Variants in SPAG16 observed in about 807,000 individuals in gnomAD.
SPAG16 encodes the protein sperm associated antigen 16.
Under a neutral mutation model 80.4 loss-of-function variants are expected in SPAG16, and 86 were observed. The observed-to-expected ratio is 1.07, with a 90% confidence interval of 0.90 to 1.28. The LOEUF is 1.28. SPAG16 is among the 50% of genes most tolerant of loss of function. The pLI, the probability that SPAG16 is intolerant of heterozygous loss-of-function variation, is 0.00. For missense variants in SPAG16, 870 were observed against 765.3 expected (o/e 1.14, Z -1.61); for synonymous variants, 294 against 265.9 (o/e 1.11, Z -1.03).
intron 15 of SPAG16, among the ~76,000 whole-genome samples, chr2:214,320,329 A>G (rs572885337): frequency 1.3e-5 from 2 of 152,154 alleles, no homozygotes; most frequent in Non-Finnish European, 2.9e-5. Context: ...TTGTACTCCT[A>G]CATATGGGGT....
chr2:214,234,690 G>T (rs995328647), intron 15 of SPAG16, among the ~76,000 whole-genome samples: 1 of 152,070 alleles, frequency 6.6e-6, no homozygotes, highest in Admixed American at 6.6e-5. Flanking sequence ...TATGCCTTCT[G>T]AGAAGTGCCT....
chr2:213,727,202 T>A (rs1319788610), intron 10 of SPAG16, among the ~76,000 whole-genome samples: 1 of 152,216 alleles, frequency 6.6e-6, no homozygotes, highest in East Asian at 1.9e-4. Flanking sequence ...CAATTGCCTT[T>A]ACTGTTTCAA....
intron 11 of SPAG16, among the ~76,000 whole-genome samples, chr2:213,873,106 AT>A (rs1484854240): frequency 6.6e-6 from 1 of 151,942 alleles, no homozygotes; most frequent in African/African-American, 2.4e-5. Flanking sequence ...CTCCTGTCCT[AT>A]TTTTTGGAAG....
At chr2:214,387,634 G>A (rs1437090961) in intron 15 of SPAG16, among the ~76,000 whole-genome samples, 1 of 151,418 alleles carries the variant, frequency 6.6e-6, no homozygotes. Context: ...AATTTATGAA[G>A]GAAAGAGGTT....
At chr2:213,824,466 C>T (rs1034858711) in intron 10 of SPAG16, among the ~76,000 whole-genome samples, 7 of 152,160 alleles carry the variant, frequency 4.6e-5, no homozygotes, top group African/African-American at 1.7e-4. Context: ...TATGGATATT[C>T]AGTTTTCCCA....
intron 15 of SPAG16, among the ~76,000 whole-genome samples, chr2:214,321,728 A>G (rs1696111137): frequency 6.6e-6 from 1 of 152,242 alleles, no homozygotes; most frequent in African/African-American, 2.4e-5. Flanking sequence ...ATTTGTGCTT[A>G]TTAGACTGGT....
intron 12 of SPAG16, among the ~76,000 whole-genome samples, chr2:213,980,409 ATATT>A (rs1483356617): frequency 1.4e-5 from 1 of 70,926 alleles, no homozygotes; most frequent in Non-Finnish European, 2.4e-5. Flanking sequence ...GTGTGTATAT[ATATT>A]CTATATATAT....
chr2:214,071,088 C>A (rs1370981962), intron 13 of SPAG16, among the ~76,000 whole-genome samples: 1 of 152,090 alleles, frequency 6.6e-6, no homozygotes, highest in African/African-American at 2.4e-5. Context: ...TCTATCCACA[C>A]AAAGAATATT....
intron 10 of SPAG16, among the ~76,000 whole-genome samples, chr2:213,573,341 C>A (rs538184866): frequency 5.3e-5 from 8 of 152,218 alleles, no homozygotes; most frequent in African/African-American, 1.9e-4. Flanking sequence ...CTAGAACAAT[C>A]ATTTTTATTT....
At chr2:213,311,299 G>A (rs1270629383) in intron 4 of SPAG16, among the ~76,000 whole-genome samples, 1 of 151,550 alleles carries the variant, frequency 6.6e-6, no homozygotes, top group Non-Finnish European at 1.5e-5. Flanking sequence ...GTAAAAGTAG[G>A]TAGATGATTA....
intron 15 of SPAG16, among the ~76,000 whole-genome samples, chr2:214,395,496 GTTGT>G (rs767456685): frequency 1.3e-5 from 2 of 152,068 alleles, no homozygotes; most frequent in African/African-American, 2.4e-5. Flanking sequence ...CTTTGGTAAG[GTTGT>G]TTAAGGTATT....
chr2:213,719,134 G>A (rs1366793019), intron 10 of SPAG16, among the ~76,000 whole-genome samples: 5 of 151,630 alleles, frequency 3.3e-5, no homozygotes, highest in Admixed American at 2.0e-4. Flanking sequence ...TACACCAATC[G>A]GCACTCTGTA....
intron 11 of SPAG16, among the ~76,000 whole-genome samples, chr2:213,888,172 T>C (rs2076639397): frequency 6.6e-6 from 1 of 151,914 alleles, no homozygotes; most frequent in Non-Finnish European, 1.5e-5. Flanking sequence ...ACAAGGGAAT[T>C]ATATTACCTT....
In SPAG16 at chr2:213,596,512, C is replaced by T. The variant is rs551508823; in HGVS notation, c.1070+106422C>T. 2.6e-5 allele frequency among the ~76,000 whole-genome samples: 4 copies of T among 152,170 alleles called. No homozygotes were observed. The Middle Eastern group carries it at 0.01, about 388-fold the overall frequency. On this transcript the variant is annotated intron_variant, in intron 10 of 15. Transcript: ENST00000331683. ...TTCAAATCTGAGGCATCTCTCTGAC[C>T]TAAATTTCAGATGACATTTAAGAAT... is the stretch of plus-strand genomic sequence containing the variant.
At position 213,372,127 on chromosome 2, in the gene SPAG16, A is replaced by AT. The variant is rs34515750; in HGVS notation, c.833-2874dup. Among the ~76,000 whole-genome samples the AT allele has an allele frequency of 1.6e-4, 24 of 151,394 alleles. 1 individual carries two copies. The highest frequency in any genetic ancestry group is 5.3e-4 in the African/African-American group (22 of 41,246). The stretch of plus-strand genomic sequence containing the variant: ...TTTAGTATTACATATTATGAGATAA[A>AT]TTTTTTTTTCAAATTAATTTCAAAA... On this transcript the variant is annotated intron_variant, in intron 8 of 15. Transcript: ENST00000331683.
At chr2:214,380,046 T>C (rs547762974) in intron 15 of SPAG16, among the ~76,000 whole-genome samples, 8 of 152,240 alleles carry the variant, frequency 5.3e-5, no homozygotes, top group African/African-American at 1.9e-4. Context: ...GTTCCAGACA[T>C]AGTGCCTGAC....
chr2:213,733,499 AT>A (rs60768952), intron 10 of SPAG16, among the ~76,000 whole-genome samples: 45,447 of 122,880 alleles, frequency 0.37, 7,695 homozygotes, highest in East Asian at 0.52. Context: ...TTATGAAGGG[AT>A]TTTTTTTTTT....
At chr2:214,325,545 C>T (rs1162551562) in intron 15 of SPAG16, among the ~76,000 whole-genome samples, 3 of 152,050 alleles carry the variant, frequency 2.0e-5, no homozygotes, top group Non-Finnish European at 4.4e-5. Context: ...GGGATAATAT[C>T]TTCTTAATCT....
chr2:213,562,986 G>T (rs999858919), intron 10 of SPAG16, among the ~76,000 whole-genome samples: 6 of 152,168 alleles, frequency 3.9e-5, no homozygotes, highest in Admixed American at 1.3e-4. Context: ...ACACCATCAC[G>T]CTGGGCGTTA....
Sources: gnomAD v4.1 joint callset for allele counts (sites outside exome capture counted in the v4.1 genomes callset) on GRCh38, gnomAD v4.1.1 for gene constraint, MANE v1.5 for transcripts, NCBI Gene and HGNC (gene_info 2026-07-23, HGNC 2026-07-21) for gene names.